The following CTNND2 variants were observed in gnomAD, a reference collection of about 807,000 sequenced individuals.
CTNND2 encodes the protein catenin delta 2, also known as catenin delta-2.
A neutral mutation model predicts 144.4 loss-of-function variants in CTNND2; 22 were observed. The observed-to-expected ratio is 0.15, with a 90% CI of 0.11 to 0.22. CTNND2 has a LOEUF of 0.22. Ranked by LOEUF, CTNND2 falls within the 10% of genes least tolerant of loss-of-function variation. The pLI, the probability that CTNND2 is intolerant of heterozygous loss-of-function variation, is 1.00. For synonymous variants in CTNND2, 751 were observed against 695.6 expected (o/e 1.08, Z -1.25); for missense variants, 1,353 against 1,618.8 (o/e 0.84, Z 2.82).
chr5:11,792,341 A>C (rs1300768079), intron 1 of CTNND2, among the ~76,000 whole-genome samples: 2 of 152,220 alleles, frequency 1.3e-5, no homozygotes, highest in Non-Finnish European at 2.9e-5. Flanking sequence ...AAATGTGTAC[A>C]TGCCACAAAA....
chr5:11,364,438 C>T (rs1756769079), intron 8 of CTNND2, among the ~76,000 whole-genome samples: 1 of 152,230 alleles, frequency 6.6e-6, no homozygotes, highest in Non-Finnish European at 1.5e-5. Context: ...AGTATTGCTT[C>T]TTTCAATTTT....
chr5:11,310,842 C>T (rs1750723231), intron 9 of CTNND2, among the ~76,000 whole-genome samples: 1 of 149,920 alleles, frequency 6.7e-6, no homozygotes, highest in Non-Finnish European at 1.5e-5. Flanking sequence ...GCCCTTAACC[C>T]ACACGTACTT....
intron 2 of CTNND2, among the ~76,000 whole-genome samples, chr5:11,681,971 CAT>C (rs1491470383): frequency 6.7e-6 from 1 of 149,500 alleles, no homozygotes; most frequent in Non-Finnish European, 1.5e-5. Flanking sequence ...CCTTCTGACA[CAT>C]GACACATGAC....
At chr5:11,640,622 C>T (rs1216762150) in intron 2 of CTNND2, among the ~76,000 whole-genome samples, 1 of 152,206 alleles carries the variant, frequency 6.6e-6, no homozygotes, top group Non-Finnish European at 1.5e-5. Context: ...TATGCCCTGG[C>T]TGTCTAGCAG....
chr5:11,831,529 G>A (rs1793900492), intron 1 of CTNND2, among the ~76,000 whole-genome samples: 1 of 151,932 alleles, frequency 6.6e-6, no homozygotes, highest in Non-Finnish European at 1.5e-5. Flanking sequence ...TTAGCCAGGT[G>A]TGCTGGCGGG....
chr5:11,187,674 C>T (rs1383793038), intron 11 of CTNND2, among the ~76,000 whole-genome samples: 1 of 152,096 alleles, frequency 6.6e-6, no homozygotes, highest in Non-Finnish European at 1.5e-5. Context: ...AGGCAACCTA[C>T]AGAATGGGAG....
intron 1 of CTNND2, among the ~76,000 whole-genome samples, chr5:11,836,403 TGGTAGGGAAGA>T (rs1272627414): frequency 1.3e-5 from 2 of 152,128 alleles, no homozygotes; most frequent in Non-Finnish European, 2.9e-5. Context: ...TCAGTAGGCA[TGGTAGGGAAGA>T]CGTGAGCACA....
At chr5:11,208,506 A>C (rs1738287739) in intron 10 of CTNND2, among the ~76,000 whole-genome samples, 1 of 152,212 alleles carries the variant, frequency 6.6e-6, no homozygotes. Context: ...AAAAAACTCC[A>C]GAAAAGATAC....
At chr5:11,082,608 G>C (rs1273412130) in intron 16 of CTNND2, 88 bp downstream of exon 16, 2 of 1,453,396 alleles carry the variant, frequency 1.4e-6, no homozygotes, top group East Asian at 4.6e-5. Flanking sequence ...TGTAAGCATA[G>C]GCTATGCATA....
chr5:11,511,455 A>C (rs1022611375), intron 3 of CTNND2, among the ~76,000 whole-genome samples: 1 of 152,136 alleles, frequency 6.6e-6, no homozygotes, highest in African/African-American at 2.4e-5. Flanking sequence ...GGCCAAGGTT[A>C]GTGAGTGGGG....
intron 18 of CTNND2, among the ~76,000 whole-genome samples, chr5:10,995,595 G>A (rs1325793656): frequency 6.6e-6 from 1 of 152,186 alleles, no homozygotes; most frequent in African/African-American, 2.4e-5. Flanking sequence ...ATGGAGAAAT[G>A]GGCTTGAAGA....
At chr5:11,786,002 C>G (rs1273837381) in intron 1 of CTNND2, among the ~76,000 whole-genome samples, 1 of 150,794 alleles carries the variant, frequency 6.6e-6, no homozygotes, top group Non-Finnish European at 1.5e-5. Context: ...CTCTCACCAA[C>G]TGCACCCGCA....
At chr5:11,839,040 G>A (rs1169826302) in intron 1 of CTNND2, among the ~76,000 whole-genome samples, 1 of 152,136 alleles carries the variant, frequency 6.6e-6, no homozygotes, top group Non-Finnish European at 1.5e-5. Flanking sequence ...GCTTAAATAT[G>A]AAAATTTTGA....
intron 2 of CTNND2, among the ~76,000 whole-genome samples, chr5:11,610,088 C>A (rs1349179491): frequency 1.3e-5 from 2 of 152,168 alleles, no homozygotes; most frequent in Non-Finnish European, 2.9e-5. Flanking sequence ...TTGTTCCAGA[C>A]ACAAAGTTCC....
At chr5:11,446,715 G>A (rs1048028993) in intron 3 of CTNND2, among the ~76,000 whole-genome samples, 1 of 152,198 alleles carries the variant, frequency 6.6e-6, no homozygotes, top group Non-Finnish European at 1.5e-5. Context: ...TGGAGATCAA[G>A]AGAGTGATTC....
At chr5:11,122,619 G>GGCGCTCCCTGAGCTC (rs1754257247) in intron 12 of CTNND2, among the ~76,000 whole-genome samples, 1 of 152,048 alleles carries the variant, frequency 6.6e-6, no homozygotes, top group African/African-American at 2.4e-5. Context: ...TCCCTGGGCA[G>GGCGCTCCCTGAGCTC]GCGCTCCCTG....
At chr5:11,547,475 G>A (rs1775351832) in intron 3 of CTNND2, among the ~76,000 whole-genome samples, 1 of 151,696 alleles carries the variant, frequency 6.6e-6, no homozygotes, top group African/African-American at 2.4e-5. Context: ...GGACACTACA[G>A]TGAAAAAAAG....
At chr5:11,560,247 A>G (rs566060448) in intron 3 of CTNND2, among the ~76,000 whole-genome samples, 2 of 152,304 alleles carry the variant, frequency 1.3e-5, no homozygotes, top group South Asian at 2.1e-4. Context: ...TCATCAGCAT[A>G]AGTCTTCTAA....
At chr5:10,984,796 G>A (rs889089625) in intron 20 of CTNND2, among the ~76,000 whole-genome samples, 7 of 152,182 alleles carry the variant, frequency 4.6e-5, no homozygotes, top group African/African-American at 1.7e-4. Flanking sequence ...ATAAGAGGCC[G>A]GGTGTGGTGG....
Sources: allele counts gnomAD v4.1 joint callset (sites outside exome capture counted in the v4.1 genomes callset), GRCh38; gene constraint gnomAD v4.1.1; transcripts MANE v1.5; gene names NCBI Gene and HGNC (gene_info 2026-07-23, HGNC 2026-07-21).